Variants in MAGT1 observed in about 807,000 individuals in gnomAD.
MAGT1 encodes the protein dolichyl-diphosphooligosaccharide--protein glycosyltransferase subunit MAGT1.
Under a neutral mutation model 28.4 loss-of-function variants are expected in MAGT1, and 4 were observed. The observed-to-expected ratio is 0.14, with a 90% CI of 0.07 to 0.32. MAGT1 has a LOEUF of 0.32. Among genes scored for constraint, MAGT1 ranks in the 10% least tolerant of loss-of-function variants. The pLI, the probability that MAGT1 is intolerant of heterozygous loss-of-function variation, is 1.00. For missense variants in MAGT1, 193 were observed against 264.5 expected, an observed-to-expected ratio of 0.73 and a Z score of 1.88; for synonymous variants, 89 against 89.7, an observed-to-expected ratio of 0.99 and a Z score of 0.04.
In MAGT1 at chrX:77,849,025, TA is replaced by T. The variant is rs782694345; in HGVS notation, c.826+4875del. 8.3e-5 allele frequency among the ~76,000 whole-genome samples: 9 copies of T among 108,226 alleles called. No individual in the cohort carries two copies. The East Asian group carries it at 8.7e-4, about 10-fold the overall frequency. 94.0% of individuals were successfully genotyped at this position (108,226 alleles called of 115,157 possible). The stretch of plus-strand genomic sequence containing the variant: ...GATTTCATCTCTAAAAAAATAAACA[TA>T]AAAAAAATCCATATATATTTATTCT... On this transcript the variant is annotated intron_variant, in intron 7 of 9. Coordinates refer to ENST00000618282, the MANE Select transcript of MAGT1 (RefSeq NM_001367916.1).
In MAGT1 at chrX:77,830,121, A is replaced by G. The variant is rs782667029; in HGVS notation, c.992+684T>C. On this transcript the variant is annotated intron_variant, in intron 9 of 9. Coordinates refer to ENST00000618282, the MANE Select transcript of MAGT1 (RefSeq NM_001367916.1). Reference sequence around the variant, plus strand: ...AGACTCGCTTGATGCCAGAAGTTCAAGACCAGCCTGGGTAACATAGCAAGA... The same window carrying G: ...AGACTCGCTTGATGCCAGAAGTTCAGGACCAGCCTGGGTAACATAGCAAGA... Among the ~76,000 whole-genome samples the G allele has an allele frequency of 1.4e-3, 162 of 112,363 alleles. 4 individuals are homozygous for G. Among genetic ancestry groups the G allele is most frequent in the Non-Finnish European group, 1.7e-3 (92 of 53,303 alleles).
intron 5 of MAGT1, 192 bp downstream of exon 5, chrX:77,856,541 T>C (rs2149018163): frequency 2.4e-6 from 1 of 424,639 alleles, no homozygotes. Flanking sequence ...AATCAGTTCC[T>C]TGAAGTTCTG....
At chrX:77,832,822 CAAAAAAA>C (rs72197791) in intron 8 of MAGT1, among the ~76,000 whole-genome samples, 3 of 32,351 alleles carry the variant, frequency 9.3e-5, no homozygotes, top group Non-Finnish European at 9.7e-5. Flanking sequence ...GCCTCTGTCT[CAAAAAAA>C]AAAAAAAAAA....
intron 2 of MAGT1, among the ~76,000 whole-genome samples, chrX:77,873,905 T>C (rs1341856203): frequency 9.0e-6 from 1 of 111,054 alleles, no homozygotes; most frequent in African/African-American, 3.3e-5. Flanking sequence ...CATCCTCTCC[T>C]AAGACTCTGA....
intron 3 of MAGT1, among the ~76,000 whole-genome samples, chrX:77,863,606 C>A (rs965960227): frequency 2.7e-5 from 3 of 111,759 alleles, no homozygotes; most frequent in African/African-American, 9.7e-5. Flanking sequence ...GGGTATGTAT[C>A]CATAGGAAAG....
At chrX:77,869,892 C>CT (rs1309245344) in intron 3 of MAGT1, among the ~76,000 whole-genome samples, 1 of 111,660 alleles carries the variant, frequency 9.0e-6, no homozygotes, top group Non-Finnish European at 1.9e-5. Context: ...AGCAATCCCA[C>CT]TACTGGGTAT....
intron 8 of MAGT1, among the ~76,000 whole-genome samples, chrX:77,836,137 G>GA (rs1358128306): frequency 4.6e-5 from 5 of 108,893 alleles, no homozygotes; most frequent in East Asian, 2.9e-4. Context: ...TTCAGGTACA[G>GA]AAAAAAAAAT....
chrX:77,841,762 A>G (rs1229275573), intron 7 of MAGT1, among the ~76,000 whole-genome samples: 2 of 102,310 alleles, frequency 2.0e-5, no homozygotes, highest in Non-Finnish European at 4.0e-5. Context: ...TACAACCTCC[A>G]CCTCCCAGGC....
intron 1 of MAGT1, among the ~76,000 whole-genome samples, chrX:77,876,170 T>TTA (rs2077034444): frequency 2.7e-4 from 7 of 26,028 alleles, no homozygotes; most frequent in African/African-American, 6.6e-4. Flanking sequence ...ATATATTTTT[T>TTA]TTTTTTTTTT....
intron 7 of MAGT1, among the ~76,000 whole-genome samples, chrX:77,845,998 G>A (rs1557214881): frequency 1.8e-5 from 2 of 111,838 alleles, no homozygotes; most frequent in Non-Finnish European, 3.8e-5. Context: ...CTAGATTGGG[G>A]AAGTTCTCCT....
intron 1 of MAGT1, among the ~76,000 whole-genome samples, chrX:77,887,061 G>T (rs1180873027): frequency 9.0e-6 from 1 of 111,240 alleles, no homozygotes; most frequent in Non-Finnish European, 1.9e-5. Flanking sequence ...TTAGTTAATA[G>T]ATTTATAAGG....
At chrX:77,848,070 C>T (rs1372030085) in intron 7 of MAGT1, among the ~76,000 whole-genome samples, 1 of 112,243 alleles carries the variant, frequency 8.9e-6, no homozygotes, top group Non-Finnish European at 1.9e-5. Context: ...TTTGTGTACT[C>T]TTCTTAGCTG....
At chrX:77,875,291 T>C in intron 2 of MAGT1, 137 bp downstream of exon 2, 1 of 563,093 alleles carries the variant, frequency 1.8e-6, no homozygotes. Flanking sequence ...AGAGCAGTAG[T>C]ATTGCTACCA....
chrX:77,843,893 T>C (rs921986151), intron 7 of MAGT1, among the ~76,000 whole-genome samples: 2 of 111,482 alleles, frequency 1.8e-5, no homozygotes, highest in African/African-American at 6.5e-5. Flanking sequence ...TCAGGAATAT[T>C]TGGTCTAAAA....
chrX:77,860,602 C>G (rs1398891341), intron 3 of MAGT1, among the ~76,000 whole-genome samples: 1 of 108,099 alleles, frequency 9.3e-6, no homozygotes, highest in Non-Finnish European at 1.9e-5. Flanking sequence ...GCCAACATGG[C>G]GAAACCCTGT....
chrX:77,889,237 T>C (rs1389797406), intron 1 of MAGT1, among the ~76,000 whole-genome samples: 1 of 102,509 alleles, frequency 9.8e-6, no homozygotes, highest in East Asian at 3.1e-4. Context: ...CACTTTGGCC[T>C]CCCAAAGTGC....
In MAGT1 at chrX:77,856,772, T is replaced by C. The variant is rs782054584; in HGVS notation, c.633A>G (p.Glu211=). ...GLVYLRRSNM[E]FLFNKTGWAF... is the part of the protein sequence containing the mutation. ...CCCATCCAGTTTTATTAAAGAGAAA[T>C]TCCATATTACTTCTTCGAAGATACA... The change falls in exon 5 of 10, where the codon GAA becomes GAG. Residue 211 remains glutamate (E), a synonymous_variant. Coordinates refer to ENST00000618282, the MANE Select transcript of MAGT1 (RefSeq NM_001367916.1). 17 of 1,207,038 alleles carry C rather than the reference T, an allele frequency of 1.4e-5. No homozygotes were observed. Among genetic ancestry groups the C allele is most frequent in the African/African-American group, 1.8e-5 (1 of 57,110 alleles).
chrX:77,878,350 G>A (rs1349083482), intron 1 of MAGT1, among the ~76,000 whole-genome samples: 1 of 100,648 alleles, frequency 9.9e-6, no homozygotes, highest in Non-Finnish European at 2.0e-5. Context: ...GTGCACGCCT[G>A]TAATCCCAGG....
chrX:77,853,835 G>C (rs983958405), intron 7 of MAGT1, 66 bp downstream of exon 7: 8 of 911,648 alleles, frequency 8.8e-6, no homozygotes, highest in Non-Finnish European at 1.3e-5. Context: ...AAATGCTGTA[G>C]AGAGAATACT....
Sources: gnomAD v4.1 joint callset for allele counts (sites outside exome capture counted in the v4.1 genomes callset) on GRCh38, gnomAD v4.1.1 for gene constraint, MANE v1.5 for transcripts, NCBI Gene and HGNC (gene_info 2026-07-23, HGNC 2026-07-21) for gene names.